TCERG1L: variants seen among roughly 807,000 people sequenced by gnomAD.
The protein encoded by TCERG1L is transcription elongation regulator 1 like, also known as transcription elongation regulator 1-like protein.
A neutral mutation model predicts 56.3 loss-of-function variants in TCERG1L; 37 were observed. The ratio of observed to expected loss-of-function variants is 0.66; its 90% CI spans 0.51 to 0.87. TCERG1L has a LOEUF of 0.87. TCERG1L is among the 40% of genes least tolerant of loss of function. TCERG1L has a pLI of 0.00. For synonymous variants in TCERG1L, 324 were observed against 326.3 expected (o/e 0.99, Z 0.08); for missense variants, 799 against 774.2 (o/e 1.03, Z -0.38).
chr10:131,295,764 T>A (rs1049397377), intron 3 of TCERG1L, among the ~76,000 whole-genome samples: 4 of 152,198 alleles, frequency 2.6e-5, no homozygotes, highest in African/African-American at 9.6e-5. Flanking sequence ...TTCTAGCTAT[T>A]TGAATGTATA....
chr10:131,270,093 T>C (rs542503448), intron 3 of TCERG1L, among the ~76,000 whole-genome samples: 2 of 152,228 alleles, frequency 1.3e-5, no homozygotes, highest in Admixed American at 6.5e-5. Flanking sequence ...TGCTTTGTGT[T>C]TTCCTTCCTA....
At chr10:131,235,874 T>C (rs1845907244) in intron 4 of TCERG1L, among the ~76,000 whole-genome samples, 1 of 152,196 alleles carries the variant, frequency 6.6e-6, no homozygotes, top group Non-Finnish European at 1.5e-5. Context: ...CGAAAATGCA[T>C]TCATCTATTT....
At chr10:131,209,672 C>T (rs1845595046) in intron 4 of TCERG1L, among the ~76,000 whole-genome samples, 1 of 152,148 alleles carries the variant, frequency 6.6e-6, no homozygotes, top group Non-Finnish European at 1.5e-5. Context: ...ACTGAATGGT[C>T]TCATTTGTCC....
intron 3 of TCERG1L, among the ~76,000 whole-genome samples, chr10:131,291,950 A>T (rs2133574410): frequency 6.6e-6 from 1 of 152,332 alleles, no homozygotes; most frequent in East Asian, 1.9e-4. Context: ...CATCTAAATA[A>T]CTACTAATAT....
intron 4 of TCERG1L, among the ~76,000 whole-genome samples, chr10:131,241,587 G>A (rs58704602): frequency 0.036 from 5,459 of 150,876 alleles, 301 homozygotes; most frequent in East Asian, 0.21. Context: ...ACAGTGGATA[G>A]CGCAATATAA....
intron 4 of TCERG1L, among the ~76,000 whole-genome samples, chr10:131,210,038 A>G (rs1418950541): frequency 6.6e-6 from 1 of 152,224 alleles, no homozygotes; most frequent in African/African-American, 2.4e-5. Flanking sequence ...AGCTTACAAA[A>G]ATGAATGTTT....
At chr10:131,093,875 C>G (rs956346931) in intron 11 of TCERG1L, among the ~76,000 whole-genome samples, 6 of 152,186 alleles carry the variant, frequency 3.9e-5, no homozygotes, top group African/African-American at 1.4e-4. Flanking sequence ...TTAAACCTCA[C>G]TTGCGGAACT....
chr10:131,168,801 G>C (rs1282983653), intron 4 of TCERG1L, among the ~76,000 whole-genome samples: 1 of 151,366 alleles, frequency 6.6e-6, no homozygotes, highest in Non-Finnish European at 1.5e-5. Flanking sequence ...CACTTTACGA[G>C]GGTGTCCACA....
intron 3 of TCERG1L, among the ~76,000 whole-genome samples, chr10:131,300,731 G>T (rs1846752630): frequency 6.6e-6 from 1 of 152,016 alleles, no homozygotes; most frequent in African/African-American, 2.4e-5. Flanking sequence ...TTTGTATCTT[G>T]TCAATAGTTT....
chr10:131,272,336 G>A (rs1846348822), intron 3 of TCERG1L, among the ~76,000 whole-genome samples: 1 of 152,218 alleles, frequency 6.6e-6, no homozygotes, highest in Admixed American at 6.5e-5. Context: ...TGGATGAGGT[G>A]GCCAGCATTT....
chr10:131,272,914 A>T (rs916791508), intron 3 of TCERG1L, among the ~76,000 whole-genome samples: 8 of 152,224 alleles, frequency 5.3e-5, no homozygotes, highest in African/African-American at 1.7e-4. Context: ...TAGAGGACCA[A>T]ATGGACAAGG....
At chr10:131,252,700 A>C (rs1846125328) in intron 4 of TCERG1L, among the ~76,000 whole-genome samples, 1 of 152,112 alleles carries the variant, frequency 6.6e-6, no homozygotes, top group Non-Finnish European at 1.5e-5. Context: ...ACAGCCACCC[A>C]CCATGGATAC....
At chr10:131,282,468 G>C (rs78136468) in intron 3 of TCERG1L, among the ~76,000 whole-genome samples, 3 of 151,162 alleles carry the variant, frequency 2.0e-5, no homozygotes, top group Admixed American at 2.0e-4. Context: ...ACCAGCGAAA[G>C]TAACCTCAGC....
At chr10:131,186,753 C>T (rs1589741360) in intron 4 of TCERG1L, among the ~76,000 whole-genome samples, 2 of 152,248 alleles carry the variant, frequency 1.3e-5, no homozygotes, top group South Asian at 4.1e-4. Flanking sequence ...GCCTGCCACT[C>T]GTGCACCGGG....
chr10:131,194,751 T>C (rs886810902), intron 4 of TCERG1L, among the ~76,000 whole-genome samples: 1 of 152,256 alleles, frequency 6.6e-6, no homozygotes, highest in Non-Finnish European at 1.5e-5. Context: ...CTGCCCTGTT[T>C]TCTCAACAGC....
chr10:131,146,387 A>T, intron 7 of TCERG1L, 119 bp downstream of exon 7: 1 of 1,174,480 alleles, frequency 8.5e-7, no homozygotes, highest in Non-Finnish European at 1.2e-6. Flanking sequence ...CGGGCACAGG[A>T]TTCCTTAATA....
intron 4 of TCERG1L, among the ~76,000 whole-genome samples, chr10:131,200,480 G>C (rs1043771368): frequency 3.9e-5 from 6 of 152,164 alleles, no homozygotes; most frequent in African/African-American, 9.7e-5. Context: ...AATTACTTTG[G>C]ATCAGCTACT....
intron 9 of TCERG1L, among the ~76,000 whole-genome samples, chr10:131,114,885 C>T (rs1176749310): frequency 6.6e-6 from 1 of 152,226 alleles, no homozygotes; most frequent in Non-Finnish European, 1.5e-5. Context: ...GTCATGTCTC[C>T]TGCCCGATAA....
chr10:131,117,376 C>T (rs1432910779), intron 8 of TCERG1L, among the ~76,000 whole-genome samples: 1 of 152,350 alleles, frequency 6.6e-6, no homozygotes, highest in South Asian at 2.1e-4. Context: ...ACTCACTCAT[C>T]GCCCCTTCAT....
Sources: gnomAD v4.1 joint callset for allele counts (sites outside exome capture counted in the v4.1 genomes callset) on GRCh38, gnomAD v4.1.1 for gene constraint, MANE v1.5 for transcripts, NCBI Gene and HGNC (gene_info 2026-07-23, HGNC 2026-07-21) for gene names.